The following PLA2G5 variants were observed in gnomAD, a reference collection of about 807,000 sequenced individuals.
The protein encoded by PLA2G5 is phospholipase A2 group V, also known as Ca2+-dependent phospholipase A2.
A neutral mutation model predicts 15.9 loss-of-function variants in PLA2G5; 12 were observed. That is an observed-to-expected ratio of 0.76 (90% CI 0.48 to 1.23). The LOEUF (loss-of-function observed/expected upper bound fraction) is 1.23, where lower values mean the gene tolerates loss of function less well. Among genes scored for constraint, PLA2G5 ranks in the 50% most tolerant of loss-of-function variants. The pLI is 0.00. For missense variants in PLA2G5, 169 were observed against 177.1 expected (o/e 0.95, Z 0.26); for synonymous variants, 71 against 71.4 (o/e 0.99, Z 0.03).
intron 1 of PLA2G5, among the ~76,000 whole-genome samples, chr1:20,074,016 G>A (rs1389869738): frequency 6.6e-6 from 1 of 152,184 alleles, no homozygotes. Context: ...GTAAAAGAGA[G>A]TTAAAGATGA....
chr1:20,081,844 G>A (rs1438515785), intron 1 of PLA2G5, among the ~76,000 whole-genome samples: 1 of 151,840 alleles, frequency 6.6e-6, no homozygotes, highest in African/African-American at 2.4e-5. Context: ...CTGAGGTCAG[G>A]AGATTGAGAC....
chr1:20,037,717 T>C lies in PLA2G5; in HGVS notation n.276+9008T>C, dbSNP rs142070702. On this transcript the variant is annotated intron_variant and non_coding_transcript_variant, in intron 1 of 6. Coordinates refer to the PLA2G5 transcript ENST00000460175. ...AGGGGCTGGTGCTTTCAAGAGACCA[T>C]CAGCTGTGGTAGTATGGGGGAATAC... 7.4e-3 allele frequency among the ~76,000 whole-genome samples: 1,128 copies of C among 152,268 alleles called. 18 individuals are homozygous for C. The highest frequency in any genetic ancestry group is 0.026 in the African/African-American group (1,067 of 41,536).
chr1:20,053,421 A>G (rs1410270332), intron 1 of PLA2G5, among the ~76,000 whole-genome samples: 1 of 152,006 alleles, frequency 6.6e-6, no homozygotes, highest in Non-Finnish European at 1.5e-5. Flanking sequence ...TGTTTTCTGA[A>G]GTTATTTAGG....
At chr1:20,052,167 C>T (rs1223065916) in intron 1 of PLA2G5, among the ~76,000 whole-genome samples, 1 of 111,452 alleles carries the variant, frequency 9.0e-6, no homozygotes, top group Non-Finnish European at 1.8e-5. Flanking sequence ...GAGCGAGACT[C>T]CATCTCAAAA....
intron 1 of PLA2G5, among the ~76,000 whole-genome samples, chr1:20,054,261 A>G (rs780397664): frequency 1.3e-5 from 2 of 152,168 alleles, no homozygotes; most frequent in Non-Finnish European, 2.9e-5. Flanking sequence ...GCTATATTCC[A>G]TTAGTTAGAA....
intron 1 of PLA2G5, among the ~76,000 whole-genome samples, chr1:20,074,459 T>C (rs1276602763): frequency 3.9e-5 from 6 of 152,168 alleles, no homozygotes; most frequent in Non-Finnish European, 1.5e-5. Context: ...TTTAAAAACA[T>C]TTTTTACAGG....
chr1:20,048,494 A>G (rs1283926038), intron 1 of PLA2G5, among the ~76,000 whole-genome samples: 1 of 152,216 alleles, frequency 6.6e-6, no homozygotes, highest in Non-Finnish European at 1.5e-5. Context: ...AACTAGCTAC[A>G]TCTTGAATTT....
chr1:20,064,976 T>C (rs1487334327), intron 2 of PLA2G5, among the ~76,000 whole-genome samples: 1 of 152,190 alleles, frequency 6.6e-6, no homozygotes, highest in Non-Finnish European at 1.5e-5. Flanking sequence ...ATGTACTGCC[T>C]GAGAGCACCA....
intron 1 of PLA2G5, among the ~76,000 whole-genome samples, chr1:20,041,113 G>A (rs1255465360): frequency 6.6e-6 from 1 of 152,198 alleles, no homozygotes; most frequent in Non-Finnish European, 1.5e-5. Context: ...ACTGAAACCT[G>A]TCTCAGATAT....
At chr1:20,077,612 C>G (rs2015760342) in intron 1 of PLA2G5, among the ~76,000 whole-genome samples, 1 of 152,238 alleles carries the variant, frequency 6.6e-6, no homozygotes, top group Non-Finnish European at 1.5e-5. Context: ...TGAGCACCTA[C>G]AGGGTGCCAG....
intron 1 of PLA2G5, among the ~76,000 whole-genome samples, chr1:20,072,912 G>A (rs1033490350): frequency 4.6e-5 from 7 of 152,204 alleles, no homozygotes; most frequent in Non-Finnish European, 8.8e-5. Context: ...GTGCTTGCAC[G>A]GGTGGATTTC....
intron 1 of PLA2G5, among the ~76,000 whole-genome samples, chr1:20,072,556 A>G (rs1470572222): frequency 6.6e-6 from 1 of 152,198 alleles, no homozygotes; most frequent in Non-Finnish European, 1.5e-5. Flanking sequence ...AAGCCTTCAC[A>G]TCCAGCTTAT....
At chr1:20,047,971 T>C (rs770225620) in intron 1 of PLA2G5, among the ~76,000 whole-genome samples, 3 of 152,126 alleles carry the variant, frequency 2.0e-5, no homozygotes, top group Non-Finnish European at 4.4e-5. Flanking sequence ...CAATAATTTA[T>C]ACAGGTTATT....
At chr1:20,081,683 G>A (rs988636932) in intron 1 of PLA2G5, among the ~76,000 whole-genome samples, 1 of 151,782 alleles carries the variant, frequency 6.6e-6, no homozygotes, top group Non-Finnish European at 1.5e-5. Context: ...TGAGAGTGAG[G>A]GAAAGGTGGC....
intron 1 of PLA2G5, among the ~76,000 whole-genome samples, chr1:20,073,230 AAG>A (rs2015481983): frequency 6.6e-6 from 1 of 152,226 alleles, no homozygotes; most frequent in Non-Finnish European, 1.5e-5. Context: ...AACAGAAACA[AAG>A]ACAGAAAGGA....
Position 20,086,117 on chromosome 1 carries a change from A to G in PLA2G5, c.75A>G (p.Leu25=). ...CTGTGCAAGGAGGCTTGCTGGACCT[A>G]AAATCAATGATCGAGAAGGTGACAG... ...VPAVQGGLLD[L]KSMIEKVTGK... Residue 25 remains leucine (L), a synonymous_variant, in exon 3 of 5, where the codon CTA becomes CTG. Transcript: ENST00000375108. 1.9e-6 allele frequency: 3 copies of G among 1,614,126 alleles called. No individual in the cohort carries two copies. The highest frequency in any genetic ancestry group is 2.5e-6 in the Non-Finnish European group (3 of 1,179,990).
chr1:20,089,632 A>G (rs1171302035), intron 3 of PLA2G5, among the ~76,000 whole-genome samples, 157 bp from the exon 4 acceptor site: 2 of 152,220 alleles, frequency 1.3e-5, no homozygotes, highest in Non-Finnish European at 2.9e-5. Context: ...AATGAGGAGC[A>G]GGAAATTACT....
chr1:20,056,169 A>T (rs1487407499), intron 1 of PLA2G5, among the ~76,000 whole-genome samples: 2 of 152,062 alleles, frequency 1.3e-5, no homozygotes, highest in African/African-American at 2.4e-5. Context: ...AATGTTTCCC[A>T]CATACCCCTT....
At chr1:20,058,206 C>T (rs1221109142) in intron 1 of PLA2G5, among the ~76,000 whole-genome samples, 2 of 152,148 alleles carry the variant, frequency 1.3e-5, no homozygotes, top group East Asian at 3.9e-4. Flanking sequence ...TGGCTCTGTT[C>T]ATTACTGAGA....
Sources: allele counts gnomAD v4.1 joint callset (sites outside exome capture counted in the v4.1 genomes callset), GRCh38; gene constraint gnomAD v4.1.1; transcripts MANE v1.5; gene names NCBI Gene and HGNC (gene_info 2026-07-23, HGNC 2026-07-21).